Variants in SGCZ observed in about 807,000 individuals in gnomAD.
The protein encoded by SGCZ is sarcoglycan zeta.
Under a neutral mutation model 41.3 loss-of-function variants are expected in SGCZ, and 40 were observed. That is an observed-to-expected ratio of 0.97 (90% CI 0.75 to 1.26). The LOEUF (loss-of-function observed/expected upper bound fraction) is 1.26, where lower values mean the gene tolerates loss of function less well. Ranked by LOEUF, SGCZ falls within the 50% of genes most tolerant of loss-of-function variation. SGCZ has a pLI of 0.00. For synonymous variants in SGCZ, 206 were observed against 137.5 expected (o/e 1.50, Z -3.49); for missense variants, 552 against 369.8 (o/e 1.49, Z -4.04).
chr8:14,485,702 T>G (rs1801652215), intron 2 of SGCZ, among the ~76,000 whole-genome samples: 1 of 152,186 alleles, frequency 6.6e-6, no homozygotes, highest in Admixed American at 6.5e-5. Context: ...CTGAAAGATG[T>G]CCAGTAATCT....
chr8:14,627,271 G>T (rs1411221734), intron 1 of SGCZ, among the ~76,000 whole-genome samples: 1 of 151,958 alleles, frequency 6.6e-6, no homozygotes, highest in Admixed American at 6.6e-5. Context: ...ATCTTCTGTG[G>T]GTAAAATAAC....
At position 14,665,286 on chromosome 8, in the gene SGCZ, G is replaced by C. The variant is rs575514410; in HGVS notation, c.40-110360C>G. 5.8e-3 allele frequency among the ~76,000 whole-genome samples: 875 copies of C among 152,172 alleles called. 5 individuals are homozygous for C. Among genetic ancestry groups the C allele is most frequent in the African/African-American group, 0.02 (847 of 41,532 alleles). ...TGTATGGTTTTTTGTCCTTGTGATA[G>C]TTTGCTGAGAATGATGGTTTCCAGC... is the stretch of plus-strand genomic sequence containing the variant. On this transcript the variant is annotated intron_variant, in intron 1 of 7. Coordinates refer to ENST00000382080, the MANE Select transcript of SGCZ (RefSeq NM_139167.4).
At chr8:14,368,540 T>C (rs1383265038) in intron 2 of SGCZ, among the ~76,000 whole-genome samples, 1 of 152,082 alleles carries the variant, frequency 6.6e-6, no homozygotes, top group East Asian at 1.9e-4. Context: ...ATTTTATTTC[T>C]TTAGTACACT....
At chr8:14,818,976 A>G (rs1801987929) in intron 1 of SGCZ, among the ~76,000 whole-genome samples, 1 of 152,108 alleles carries the variant, frequency 6.6e-6, no homozygotes, top group African/African-American at 2.4e-5. Flanking sequence ...AAAGAACAGA[A>G]AAGTCATCTA....
intron 1 of SGCZ, among the ~76,000 whole-genome samples, chr8:14,780,557 G>A (rs1800557892): frequency 6.6e-6 from 1 of 151,958 alleles, no homozygotes; most frequent in African/African-American, 2.4e-5. Flanking sequence ...GAGAACGATG[G>A]GAAGGAATGA....
In SGCZ at chr8:14,554,866, C is replaced by T; in HGVS notation, c.100G>A (p.Ala34Thr). ...QQNNLPRTEN[A>T]QLYPVGIYGW... is the part of the protein sequence containing the mutation. ...TAAATTCCCACTGGGTAAAGTTGTG[C>T]ATTCTCAGTCCTTGGCAGGTTATTC... is the stretch of plus-strand genomic sequence containing the variant. Residue 34 changes from alanine to threonine, a missense_variant, in exon 2 of 8, where the codon GCA (alanine) becomes ACA (threonine). Transcript: ENST00000382080. 1 of 1,612,822 alleles carries T rather than the reference C, an allele frequency of 6.2e-7. No individual in the cohort carries two copies. The highest frequency in any genetic ancestry group is 1.7e-4 in the Middle Eastern group (1 of 6,052).
chr8:15,113,551 T>A (rs1807153125), intron 1 of SGCZ, among the ~76,000 whole-genome samples: 1 of 152,182 alleles, frequency 6.6e-6, no homozygotes, highest in African/African-American at 2.4e-5. Flanking sequence ...CTGACTTCGG[T>A]GCCTGCCTTC....
intron 1 of SGCZ, among the ~76,000 whole-genome samples, chr8:14,567,385 G>T (rs778736359): frequency 6.6e-6 from 1 of 152,150 alleles, no homozygotes; most frequent in African/African-American, 2.4e-5. Flanking sequence ...CTAGCTCAAG[G>T]TTTGTAAATA....
intron 4 of SGCZ, among the ~76,000 whole-genome samples, chr8:14,235,559 G>A (rs944752434): frequency 2.0e-5 from 3 of 152,138 alleles, no homozygotes; most frequent in African/African-American, 7.2e-5. Flanking sequence ...TTTCCTGCAG[G>A]AAAGCATGCA....
intron 5 of SGCZ, among the ~76,000 whole-genome samples, chr8:14,125,511 AAAAAAAG>A: frequency 6.8e-6 from 1 of 147,146 alleles, no homozygotes; most frequent in Admixed American, 6.9e-5. Context: ...CTCAAAAAAA[AAAAAAAG>A]AAGAAGAATC....
At chr8:15,177,472 T>C (rs1463413812) in intron 1 of SGCZ, among the ~76,000 whole-genome samples, 1 of 152,202 alleles carries the variant, frequency 6.6e-6, no homozygotes, top group Non-Finnish European at 1.5e-5. Flanking sequence ...GTTGACAACA[T>C]CAACTATTTG....
chr8:14,825,900 G>C (rs892996925), intron 1 of SGCZ, among the ~76,000 whole-genome samples: 4 of 151,966 alleles, frequency 2.6e-5, no homozygotes, highest in African/African-American at 9.7e-5. Context: ...TTTTATGTCT[G>C]AATGACACTC....
rs530525356 is a variant in SGCZ at position 14,533,782 on chromosome 8, A to C, written c.234+20950T>G. On this transcript the variant is annotated intron_variant, in intron 2 of 7. Transcript: ENST00000382080. ...AAATATATCTTTCCTCCAAACAAGA[A>C]TAATTATTAATTTTATGTGAAGAGT... Among the ~76,000 whole-genome samples the C allele has an allele frequency of 7.6e-4, 116 of 152,180 alleles. 1 individual carries two copies. Among genetic ancestry groups the C allele is most frequent in the Non-Finnish European group, 6.8e-4 (46 of 67,988 alleles).
intron 2 of SGCZ, among the ~76,000 whole-genome samples, chr8:14,524,864 GA>G (rs990494642): frequency 2.0e-5 from 3 of 151,968 alleles, no homozygotes. Flanking sequence ...TAGCATGTCT[GA>G]AAGTAATATA....
intron 1 of SGCZ, among the ~76,000 whole-genome samples, chr8:14,742,719 T>C (rs1019728881): frequency 4.6e-5 from 7 of 152,060 alleles, no homozygotes; most frequent in Non-Finnish European, 7.4e-5. Context: ...ATACAAATAC[T>C]CCTGAGAATA....
chr8:14,655,269 C>T (rs947375140), intron 1 of SGCZ, among the ~76,000 whole-genome samples: 17 of 151,976 alleles, frequency 1.1e-4, no homozygotes, highest in Admixed American at 9.2e-4. Flanking sequence ...TGCTAATCTG[C>T]TCTAAAGACT....
Position 14,407,225 on chromosome 8 carries a change from T to C in SGCZ, c.235-83021A>G, listed in dbSNP as rs553300211. 3.9e-4 allele frequency among the ~76,000 whole-genome samples: 60 copies of C among 152,088 alleles called. No homozygotes were observed. The Middle Eastern group carries it at 0.014, about 34-fold the overall frequency. On this transcript the variant is annotated intron_variant, in intron 2 of 7. Transcript: ENST00000382080. Reference sequence around the variant, plus strand: ...CTGGGATTACAGGTGTGTGCCACCATGCCCAGCTAATTTTTATATTTTTAG... The same window carrying C: ...CTGGGATTACAGGTGTGTGCCACCACGCCCAGCTAATTTTTATATTTTTAG...
At chr8:14,551,745 C>T (rs964230415) in intron 2 of SGCZ, among the ~76,000 whole-genome samples, 3 of 116,294 alleles carry the variant, frequency 2.6e-5, no homozygotes, top group African/African-American at 9.5e-5. Context: ...AAAGTCATTT[C>T]CTTTTTTGGT....
At chr8:14,799,269 G>C (rs1362522355) in intron 1 of SGCZ, among the ~76,000 whole-genome samples, 1 of 152,066 alleles carries the variant, frequency 6.6e-6, no homozygotes, top group African/African-American at 2.4e-5. Flanking sequence ...TAGTGATACT[G>C]CTAAACTTTT....
Sources: allele counts gnomAD v4.1 joint callset (sites outside exome capture counted in the v4.1 genomes callset), GRCh38; gene constraint gnomAD v4.1.1; transcripts MANE v1.5; gene names NCBI Gene and HGNC (gene_info 2026-07-23, HGNC 2026-07-21).